Variants in C7orf78 observed in about 807,000 individuals in gnomAD.
C7orf78 encodes the protein putative uncharacterized protein C7orf78.
chr7:12,534,020 T>C, the C7orf78 span, among the ~76,000 whole-genome samples: 1 of 152,230 alleles, frequency 6.6e-6, no homozygotes, highest in African/African-American at 2.4e-5. Flanking sequence ...TCTTATTTTT[T>C]CATTTTTTAC....
the C7orf78 span, among the ~76,000 whole-genome samples, chr7:12,527,978 T>C: frequency 6.7e-6 from 1 of 149,982 alleles, no homozygotes; most frequent in Admixed American, 6.6e-5. Context: ...TTTCCTAGTA[T>C]ATGCTAAGTG....
chr7:12,533,421 G>A, the C7orf78 span, among the ~76,000 whole-genome samples: 105 of 151,492 alleles, frequency 6.9e-4, 4 homozygotes, highest in Admixed American at 6.3e-3. Flanking sequence ...GGCTGGTCTC[G>A]AACTCCTGAC....
At chr7:12,497,333 A>G in the C7orf78 span, among the ~76,000 whole-genome samples, 668 of 152,292 alleles carry the variant, frequency 4.4e-3, 5 homozygotes, top group African/African-American at 0.015. Context: ...CTCACTAGAG[A>G]GTGCCAGACA....
chr7:12,505,772 G>A, the C7orf78 span, among the ~76,000 whole-genome samples: 1 of 151,804 alleles, frequency 6.6e-6, no homozygotes, highest in African/African-American at 2.4e-5. Context: ...GAAAACTATG[G>A]TGCACTATTT....
At chr7:12,505,582 G>A in the C7orf78 span, among the ~76,000 whole-genome samples, 1 of 152,126 alleles carries the variant, frequency 6.6e-6, no homozygotes, top group Non-Finnish European at 1.5e-5. Flanking sequence ...ATTGAATGCA[G>A]ATAAAGCCAT....
At chr7:12,494,318 G>A in the C7orf78 span, among the ~76,000 whole-genome samples, 1 of 152,146 alleles carries the variant, frequency 6.6e-6, no homozygotes, top group South Asian at 2.1e-4. Flanking sequence ...GCTTGACCTG[G>A]TAAGTAAATA....
the C7orf78 span, among the ~76,000 whole-genome samples, chr7:12,504,881 A>C: frequency 2.6e-5 from 4 of 152,172 alleles, no homozygotes; most frequent in African/African-American, 9.6e-5. Flanking sequence ...TTATATTGAC[A>C]ACTTATTAAG....
chr7:12,494,226 G>A, the C7orf78 span, among the ~76,000 whole-genome samples: 1 of 152,164 alleles, frequency 6.6e-6, no homozygotes, highest in African/African-American at 2.4e-5. Context: ...TTTTGCCTGG[G>A]TCCTTTGGAA....
At chr7:12,498,602 G>A in the C7orf78 span, among the ~76,000 whole-genome samples, 1 of 152,156 alleles carries the variant, frequency 6.6e-6, no homozygotes, top group Non-Finnish European at 1.5e-5. Context: ...CCAAATCTAC[G>A]TCTGATTGGT....
the C7orf78 span, chr7:12,491,199 A>T: frequency 3.9e-5 from 6 of 152,226 alleles, no homozygotes; most frequent in African/African-American, 1.4e-4. Flanking sequence ...ACTGTAATGA[A>T]TTGATCAAAC....
the C7orf78 span, among the ~76,000 whole-genome samples, chr7:12,499,089 A>G: frequency 1.3e-5 from 2 of 152,180 alleles, no homozygotes; most frequent in Non-Finnish European, 2.9e-5. Context: ...AGGAAGCGCT[A>G]AACATGGAAA....
chr7:12,512,689 G>A, the C7orf78 span, among the ~76,000 whole-genome samples: 1 of 152,166 alleles, frequency 6.6e-6, no homozygotes, highest in Non-Finnish European at 1.5e-5. Flanking sequence ...TTGTATCAGA[G>A]TAATGCTGAT....
the C7orf78 span, chr7:12,530,435 G>A: frequency 3.3e-5 from 5 of 152,284 alleles, no homozygotes; most frequent in African/African-American, 1.2e-4. Context: ...GCTGAAATCG[G>A]TATTTTGTTG....
At chr7:12,523,847 C>G in the C7orf78 span, among the ~76,000 whole-genome samples, 1 of 151,996 alleles carries the variant, frequency 6.6e-6, no homozygotes, top group South Asian at 2.1e-4. Flanking sequence ...TTTAATGAAT[C>G]TTTTGGATGA....
chr7:12,529,856 G>A, the C7orf78 span, among the ~76,000 whole-genome samples: 1 of 152,208 alleles, frequency 6.6e-6, no homozygotes, highest in African/African-American at 2.4e-5. Context: ...TGCTCCTCGC[G>A]AAGCAGGACT....
the C7orf78 span, among the ~76,000 whole-genome samples, chr7:12,497,128 T>C: frequency 3.3e-5 from 5 of 152,182 alleles, no homozygotes; most frequent in African/African-American, 7.2e-5. Context: ...ACCCAAGTCA[T>C]AGGAGATTTT....
chr7:12,502,831 C>T, the C7orf78 span, among the ~76,000 whole-genome samples: 2 of 131,450 alleles, frequency 1.5e-5, no homozygotes, highest in African/African-American at 3.2e-5. Context: ...TTGGAACCAA[C>T]CCAAATGTCC....
At chr7:12,492,237 A>C in the C7orf78 span, among the ~76,000 whole-genome samples, 12 of 152,144 alleles carry the variant, frequency 7.9e-5, no homozygotes, top group African/African-American at 2.7e-4. Context: ...CTTGCACTGG[A>C]GTATAGTTAC....
At chr7:12,514,536 T>C in the C7orf78 span, among the ~76,000 whole-genome samples, 1 of 152,162 alleles carries the variant, frequency 6.6e-6, no homozygotes, top group Non-Finnish European at 1.5e-5. Context: ...ATTCATTTAC[T>C]TTCAAGGTTA....
Sources: allele counts gnomAD v4.1 joint callset (sites outside exome capture counted in the v4.1 genomes callset), GRCh38; gene constraint gnomAD v4.1.1; transcripts MANE v1.5; gene names NCBI Gene and HGNC (gene_info 2026-07-23, HGNC 2026-07-21).